P2RX7: variants seen among roughly 807,000 people sequenced by gnomAD.
P2RX7 encodes the protein purinergic receptor P2X 7.
A neutral mutation model predicts 71.6 loss-of-function variants in P2RX7; 62 were observed. The ratio of observed to expected loss-of-function variants is 0.87; its 90% CI spans 0.71 to 1.07. P2RX7 has a LOEUF of 1.07. Among genes scored for constraint, P2RX7 ranks in the 50% least tolerant of loss-of-function variants. P2RX7 has a pLI of 0.00. For synonymous variants in P2RX7, 299 were observed against 283.3 expected, an observed-to-expected ratio of 1.06 and a Z score of -0.56; for missense variants, 686 against 748.5, an observed-to-expected ratio of 0.92 and a Z score of 0.97.
intron 1 of P2RX7, among the ~76,000 whole-genome samples, chr12:121,136,121 T>G (rs1401469620): frequency 1.4e-5 from 2 of 145,582 alleles, no homozygotes; most frequent in East Asian, 2.0e-4. Flanking sequence ...TTATATATAT[T>G]TATATGTATT....
Position 121,186,691 on chromosome 12 carries a change from G to C in P2RX7, c.*1889G>C, listed in dbSNP as rs1056259705. The stretch of plus-strand genomic sequence containing the variant: ...TCGAGACCAGCCTGGCCAACATGGT[G>C]AGACCCTGTCTCTACTAAGAATACA... On this transcript the variant is annotated 3_prime_UTR_variant, in exon 13 of 13. Coordinates refer to ENST00000328963, the MANE Select transcript of P2RX7 (RefSeq NM_002562.6). The C allele has an allele frequency of 2.0e-5, 3 of 152,106 alleles. No homozygotes were observed. Among genetic ancestry groups the C allele is most frequent in the African/African-American group, 7.2e-5 (3 of 41,410 alleles). The allele number at this position is 152,106 out of a possible 1,614,324, so 9.4% of individuals were successfully genotyped here.
At chr12:121,175,315 A>AAAAAAAAAAC in intron 8 of P2RX7, 73 bp from the exon 9 acceptor site, 1 of 881,698 alleles carries the variant, frequency 1.1e-6, no homozygotes. Context: ...TGTCTCAAAA[A>AAAAAAAAAAC]AAAAAAAAAA....
In P2RX7 at chr12:121,160,647, G is replaced by C. The variant is rs370926216; in HGVS notation, c.364-255G>C. Among the ~76,000 whole-genome samples, 7 of 152,108 alleles carry C rather than the reference G, an allele frequency of 4.6e-5. No individual in the cohort carries two copies. In the East Asian group the frequency reaches 1.3e-3, roughly 29 times the overall value. ...CTTTCACTCAGCATCATGTTCTCCA[G>C]GTCCATCCATGTTGTAGCCTGTGTC... On this transcript the variant is annotated intron_variant, in intron 3 of 12. Coordinates refer to ENST00000328963, the MANE Select transcript of P2RX7 (RefSeq NM_002562.6).
chr12:121,152,572 T>G (rs1877673164), intron 1 of P2RX7, among the ~76,000 whole-genome samples: 1 of 152,168 alleles, frequency 6.6e-6, no homozygotes, highest in Admixed American at 6.5e-5. Flanking sequence ...CAGGCTGGAG[T>G]GCAGTGGCGC....
Position 121,143,697 on chromosome 12 carries a change from A to G in P2RX7, c.125+10602A>G, listed in dbSNP as rs554220232. 2.0e-5 allele frequency among the ~76,000 whole-genome samples: 3 copies of G among 152,028 alleles called. No individual in the cohort carries two copies. The East Asian group carries it at 5.8e-4, about 30-fold the overall frequency. On this transcript the variant is annotated intron_variant, in intron 1 of 12. Coordinates refer to ENST00000328963, the MANE Select transcript of P2RX7 (RefSeq NM_002562.6). ...AAACCCCGTCTCTACTAAAAATACAAAAATTAGCTGGGCATGGTGGCAGGC... is the reference window on the plus strand; with the variant it reads ...AAACCCCGTCTCTACTAAAAATACAGAAATTAGCTGGGCATGGTGGCAGGC...
intron 4 of P2RX7, chr12:121,162,186 C>A (rs900705333): frequency 3.6e-5 from 46 of 1,267,276 alleles, no homozygotes; most frequent in Non-Finnish European, 4.5e-5. Context: ...ACAAAAGAGC[C>A]AGCAGAATCC....
At chr12:121,137,881 A>G (rs1186033440) in intron 1 of P2RX7, among the ~76,000 whole-genome samples, 2 of 152,250 alleles carry the variant, frequency 1.3e-5, no homozygotes, top group African/African-American at 4.8e-5. Flanking sequence ...ACTAAGAGCC[A>G]GGATAAGGAG....
Position 121,154,663 on chromosome 12 carries a change from C to T in P2RX7, c.126-122C>T. Reference sequence around the variant, plus strand: ...TTATCCAGAGAGGGAAAACAAGTCACACGGAAGCAAGTCACGCAGCAGAGC... The same window carrying T: ...TTATCCAGAGAGGGAAAACAAGTCATACGGAAGCAAGTCACGCAGCAGAGC... On this transcript the variant is annotated intron_variant, in intron 1 of 12. Coordinates refer to ENST00000328963, the MANE Select transcript of P2RX7 (RefSeq NM_002562.6). This position sits in a 1 kb window ranked among gnomAD's most constrained non-coding sequence, Gnocchi z 4.2. The T allele has an allele frequency of 1.4e-6, 1 of 736,578 alleles. No individual in the cohort carries two copies. The highest frequency in any genetic ancestry group is 1.5e-5 in the South Asian group (1 of 66,236). The allele number at this position is 736,578 out of a possible 1,614,324, so 45.6% of individuals were successfully genotyped here.
At chr12:121,159,395 C>T (rs1000727026) in intron 3 of P2RX7, among the ~76,000 whole-genome samples, 5 of 128,370 alleles carry the variant, frequency 3.9e-5, no homozygotes, top group Non-Finnish European at 6.2e-5. Flanking sequence ...CTAGCCTGGT[C>T]GACAGAGCAA....
intron 8 of P2RX7, 84 bp downstream of exon 8, chr12:121,167,708 C>A: frequency 8.2e-7 from 1 of 1,213,282 alleles, no homozygotes; most frequent in Non-Finnish European, 1.1e-6. Context: ...GTTTCCAAGG[C>A]AACAAGATGA....
chr12:121,161,092 A>T, intron 4 of P2RX7, 118 bp downstream of exon 4: 1 of 800,952 alleles, frequency 1.2e-6, no homozygotes, highest in Non-Finnish European at 2.2e-6. Context: ...TTCCACCATC[A>T]CCAAGCCATA....
intron 8 of P2RX7, among the ~76,000 whole-genome samples, chr12:121,172,287 G>A (rs887328723): frequency 1.3e-5 from 2 of 152,160 alleles, no homozygotes; most frequent in African/African-American, 4.8e-5. Flanking sequence ...GGGAGATAAT[G>A]CCAATCCCAG....
chr12:121,155,321 T>A, intron 2 of P2RX7: 1 of 1,305,604 alleles, frequency 7.7e-7, no homozygotes. Context: ...CACCAGCCCT[T>A]CTAGATTGTG....
Position 121,178,193 on chromosome 12 carries a change from A to G in P2RX7, c.1188+747A>G, listed in dbSNP as rs79278143. Among the ~76,000 whole-genome samples, 937 of 152,316 alleles carry G rather than the reference A, an allele frequency of 6.2e-3. 8 individuals are homozygous for G. The highest frequency in any genetic ancestry group is 0.021 in the African/African-American group (884 of 41,568). On this transcript the variant is annotated intron_variant, in intron 11 of 12. Coordinates refer to ENST00000328963, the MANE Select transcript of P2RX7 (RefSeq NM_002562.6). ...ACACTCACATGAGTACCCGCAGTACATGAGTACAAGATGTTCAAAGCAGGA... is the reference window on the plus strand; with the variant it reads ...ACACTCACATGAGTACCCGCAGTACGTGAGTACAAGATGTTCAAAGCAGGA...
chr12:121,177,250 T>G, intron 10 of P2RX7, 38 bp downstream of exon 10: 1 of 1,614,176 alleles, frequency 6.2e-7, no homozygotes, highest in Non-Finnish European at 8.5e-7. Flanking sequence ...GGAAAATGGT[T>G]TGGAGAAGGA....
At chr12:121,142,458 G>A (rs376642345) in intron 1 of P2RX7, among the ~76,000 whole-genome samples, 6 of 152,156 alleles carry the variant, frequency 3.9e-5, no homozygotes, top group Non-Finnish European at 7.4e-5. Context: ...CTTCTCTCCC[G>A]GGACCAGAAG....
At chr12:121,166,351 G>A (rs966196860) in intron 7 of P2RX7, among the ~76,000 whole-genome samples, 164 bp downstream of exon 7, 34 of 152,162 alleles carry the variant, frequency 2.2e-4, no homozygotes, top group Non-Finnish European at 3.7e-4. Flanking sequence ...ACCATACCTC[G>A]TCAAATCCCA....
rs185599508 is a variant in P2RX7, at chr12:121,177,560, G to A, written c.1188+114G>A. ...GGCTTCATCCTGTAGTGGATACGTC[G>A]CTGGGTTCTACCCCGATCAACCAAC... On this transcript the variant is annotated intron_variant, in intron 11 of 12. Coordinates refer to ENST00000328963, the MANE Select transcript of P2RX7 (RefSeq NM_002562.6). 556 of 1,042,492 alleles carry A rather than the reference G, an allele frequency of 5.3e-4. 2 individuals are homozygous for A. In the African/African-American group the frequency reaches 7.5e-3, roughly 14 times the overall value. The allele number at this position is 1,042,492 out of a possible 1,614,324, so 64.6% of individuals were successfully genotyped here.
chr12:121,163,344 A>ACACACACACACG (rs1473073728), intron 5 of P2RX7, among the ~76,000 whole-genome samples: 1 of 127,556 alleles, frequency 7.8e-6, no homozygotes. Flanking sequence ...ACACACACAC[A>ACACACACACACG]CACACACACA....
Sources: gnomAD v4.1 joint callset for allele counts (sites outside exome capture counted in the v4.1 genomes callset) on GRCh38, gnomAD v4.1.1 for gene constraint, Gnocchi (gnomAD v3.1) non-coding constraint, MANE v1.5 for transcripts, NCBI Gene and HGNC (gene_info 2026-07-23, HGNC 2026-07-21) for gene names.